Variants in CDH22 observed in about 807,000 individuals in gnomAD.
The protein encoded by CDH22 is cadherin 22, also known as cadherin-22.
Under a neutral mutation model 58.4 loss-of-function variants are expected in CDH22, and 30 were observed. That is an observed-to-expected ratio of 0.51 (90% CI 0.38 to 0.70). The LOEUF (loss-of-function observed/expected upper bound fraction) is 0.70, where lower values mean the gene tolerates loss of function less well. CDH22 is among the 30% of genes least tolerant of loss of function. The pLI, the probability that CDH22 is intolerant of heterozygous loss-of-function variation, is 0.00. For synonymous variants in CDH22, 513 were observed against 558.2 expected (o/e 0.92, Z 1.14); for missense variants, 1,014 against 1,233.9 (o/e 0.82, Z 2.67).
At chr20:46,278,413 C>T (rs2086531965) in intron 1 of CDH22, among the ~76,000 whole-genome samples, 1 of 152,172 alleles carries the variant, frequency 6.6e-6, no homozygotes, top group South Asian at 2.1e-4. Context: ...ACTAGAACTC[C>T]ATGGTTCAAT....
At chr20:46,302,343 A>G (rs2086655992) in intron 1 of CDH22, among the ~76,000 whole-genome samples, 1 of 152,114 alleles carries the variant, frequency 6.6e-6, no homozygotes, top group East Asian at 1.9e-4. Context: ...TACCCATCAG[A>G]TGACAGCAGC....
intron 4 of CDH22, among the ~76,000 whole-genome samples, chr20:46,225,728 G>A (rs1434980361): frequency 6.6e-6 from 1 of 152,080 alleles, no homozygotes; most frequent in Non-Finnish European, 1.5e-5. Context: ...CTCATAGGAT[G>A]TATACACCAA....
chr20:46,177,761 C>T (rs570785908), intron 11 of CDH22, among the ~76,000 whole-genome samples, 185 bp downstream of exon 11: 6 of 152,274 alleles, frequency 3.9e-5, no homozygotes, highest in South Asian at 2.1e-4. Context: ...GAGTTGGTGG[C>T]GGGGCCGCTC....
At chr20:46,303,629 G>A (rs1240867941) in intron 1 of CDH22, among the ~76,000 whole-genome samples, 1 of 152,218 alleles carries the variant, frequency 6.6e-6, no homozygotes, top group Non-Finnish European at 1.5e-5. Context: ...ATGCAAGGAA[G>A]AGGTGCTATT....
intron 1 of CDH22, among the ~76,000 whole-genome samples, chr20:46,295,223 C>A (rs1050888289): frequency 6.6e-6 from 1 of 152,156 alleles, no homozygotes; most frequent in Non-Finnish European, 1.5e-5. Flanking sequence ...ATGAGGCACC[C>A]CAGTGGTCTC....
chr20:46,181,869 T>C (rs914994751), intron 10 of CDH22, among the ~76,000 whole-genome samples: 6 of 151,080 alleles, frequency 4.0e-5, no homozygotes, highest in African/African-American at 1.5e-4. Context: ...CAAATTGGAG[T>C]GCAGTGGTGC....
At chr20:46,248,011 C>G (rs899960210) in intron 2 of CDH22, among the ~76,000 whole-genome samples, 4 of 152,324 alleles carry the variant, frequency 2.6e-5, no homozygotes, top group Non-Finnish European at 5.9e-5. Context: ...CTCCTGGCAG[C>G]TGCTTAATAT....
chr20:46,187,797 A>G (rs1025556362), intron 8 of CDH22, among the ~76,000 whole-genome samples: 5 of 152,096 alleles, frequency 3.3e-5, no homozygotes, highest in African/African-American at 1.2e-4. Flanking sequence ...CACGTGGAGC[A>G]TCTACATTCA....
intron 1 of CDH22, among the ~76,000 whole-genome samples, chr20:46,288,623 G>A (rs1278958141): frequency 6.6e-6 from 1 of 152,144 alleles, no homozygotes; most frequent in African/African-American, 2.4e-5. Flanking sequence ...CACAAATAAT[G>A]AGAACATAAA....
intron 1 of CDH22, among the ~76,000 whole-genome samples, chr20:46,264,692 C>A (rs907119042): frequency 5.3e-5 from 8 of 152,056 alleles, no homozygotes; most frequent in Non-Finnish European, 7.4e-5. Flanking sequence ...AAAGGACAGG[C>A]CTGCGTTTGG....
chr20:46,240,194 G>A (rs2086279728), intron 3 of CDH22, among the ~76,000 whole-genome samples: 1 of 152,052 alleles, frequency 6.6e-6, no homozygotes, highest in Non-Finnish European at 1.5e-5. Flanking sequence ...ATGCCTGTCT[G>A]CGGCTGCACA....
rs147498399 is a variant in CDH22, at chr20:46,277,667, G to GC, written c.-399-25975dup. 1.7e-3 allele frequency among the ~76,000 whole-genome samples: 253 copies of GC among 151,978 alleles called. 1 individual carries two copies. The highest frequency in any genetic ancestry group is 0.014 in the Middle Eastern group (4 of 294). On this transcript the variant is annotated intron_variant, in intron 1 of 11. Transcript: ENST00000537909. Reference sequence around the variant, plus strand: ...GGGGGGTGAGTTTGGAGGAGGGCCCGCCCCCCACTGGTCCAGTGCTGATAA... The same window carrying GC: ...GGGGGGTGAGTTTGGAGGAGGGCCCGCCCCCCCACTGGTCCAGTGCTGATAA...
chr20:46,271,353 C>T (rs1337383457), intron 1 of CDH22, among the ~76,000 whole-genome samples: 1 of 152,188 alleles, frequency 6.6e-6, no homozygotes, highest in African/African-American at 2.4e-5. Flanking sequence ...TATGGATTCT[C>T]CCTTCTCCTG....
chr20:46,204,291 G>A (rs2085982200), intron 7 of CDH22, among the ~76,000 whole-genome samples: 1 of 151,462 alleles, frequency 6.6e-6, no homozygotes, highest in African/African-American at 2.4e-5. Context: ...CTACTCATGA[G>A]GCTGAGGCAG....
chr20:46,210,161 C>G lies in CDH22; in HGVS notation c.1286+146G>C, dbSNP rs1433243582. On this transcript the variant is annotated intron_variant, in intron 7 of 11. Coordinates refer to ENST00000537909, the MANE Select transcript of CDH22 (RefSeq NM_021248.3). The surrounding 1 kb of genome is among the most constrained non-coding windows in gnomAD (Gnocchi z 4.5). The stretch of plus-strand genomic sequence containing the variant: ...CCGTGCCTGTTTCTCTCCACCCGTG[C>G]GCCTCTCTCCGCGCCTCCCTCCCCC... 4 of 770,684 alleles carry G rather than the reference C, an allele frequency of 5.2e-6. No homozygotes were observed. Among genetic ancestry groups the G allele is most frequent in the Non-Finnish European group, 7.4e-6 (4 of 538,306 alleles). 47.7% of individuals were successfully genotyped at this position (770,684 alleles called of 1,614,324 possible). A position where few individuals can be genotyped will look rare whatever the true frequency, so the allele number is the denominator to read the frequency against.
At chr20:46,265,044 G>A (rs1314006857) in intron 1 of CDH22, among the ~76,000 whole-genome samples, 1 of 152,110 alleles carries the variant, frequency 6.6e-6, no homozygotes. Flanking sequence ...CACCCTGCCC[G>A]TGTGCCGGTG....
At chr20:46,295,076 G>T (rs1490425953) in intron 1 of CDH22, among the ~76,000 whole-genome samples, 1 of 151,766 alleles carries the variant, frequency 6.6e-6, no homozygotes, top group Non-Finnish European at 1.5e-5. Context: ...AAGAGAACAG[G>T]CATGCGAGGA....
intron 1 of CDH22, among the ~76,000 whole-genome samples, chr20:46,290,775 T>C (rs1362272590): frequency 2.6e-5 from 4 of 150,944 alleles, no homozygotes; most frequent in African/African-American, 7.3e-5. Context: ...ACAAGCAGGG[T>C]GGGAGCTGGT....
At chr20:46,298,029 C>T (rs1373794957) in intron 1 of CDH22, among the ~76,000 whole-genome samples, 3 of 152,158 alleles carry the variant, frequency 2.0e-5, no homozygotes, top group African/African-American at 7.2e-5. Context: ...CACTCTGCAC[C>T]CATTTCCTCA....
Sources: gnomAD v4.1 joint callset for allele counts (sites outside exome capture counted in the v4.1 genomes callset) on GRCh38, gnomAD v4.1.1 for gene constraint, Gnocchi (gnomAD v3.1) non-coding constraint, MANE v1.5 for transcripts, NCBI Gene and HGNC (gene_info 2026-07-23, HGNC 2026-07-21) for gene names.